PTPRD: variants seen among roughly 807,000 people sequenced by gnomAD.
PTPRD encodes the protein receptor-type tyrosine-protein phosphatase delta.
PTPRD carries 34 observed loss-of-function variants against 214.5 expected under a neutral mutation model. The observed-to-expected ratio is 0.16, with a 90% CI of 0.12 to 0.21. The LOEUF is 0.21. PTPRD is among the 10% of genes least tolerant of loss of function. The probability of loss-of-function intolerance (pLI) is 1.00; values close to 1 mark genes in which losing one functional copy is unlikely to be tolerated. For missense variants in PTPRD, 2,545 were observed against 2,398.7 expected, an observed-to-expected ratio of 1.06 and a Z score of -1.27; for synonymous variants, 1,128 against 845.7, an observed-to-expected ratio of 1.33 and a Z score of -5.79.
At chr9:10,611,915 CCT>C (rs1491383225) in intron 2 of PTPRD, among the ~76,000 whole-genome samples, 3 of 150,146 alleles carry the variant, frequency 2.0e-5, no homozygotes, top group Admixed American at 6.6e-5. Flanking sequence ...GCCCCCCCCC[CCT>C]TTTTTTTTCT....
At chr9:8,842,408 AAGTT>A (rs2097576331) in intron 11 of PTPRD, among the ~76,000 whole-genome samples, 1 of 152,198 alleles carries the variant, frequency 6.6e-6, no homozygotes, top group Non-Finnish European at 1.5e-5. Context: ...AGATGAATAA[AAGTT>A]AGGGTATACA....
In PTPRD at chr9:8,673,192, G is replaced by A. The variant is rs546695107; in HGVS notation, c.65-36348C>T. Among the ~76,000 whole-genome samples the A allele has an allele frequency of 1.0e-3, 152 of 151,562 alleles. 1 individual carries two copies. The highest frequency in any genetic ancestry group is 3.4e-3 in the African/African-American group (140 of 41,266). Reference sequence around the variant, plus strand: ...AGTATTTTTCTCTATGAAACACAGCGGCTGTCTCCATTTAAAGGAAAACAC... The same window carrying A: ...AGTATTTTTCTCTATGAAACACAGCAGCTGTCTCCATTTAAAGGAAAACAC... On this transcript the variant is annotated intron_variant, in intron 12 of 45. Coordinates refer to ENST00000381196, the MANE Select transcript of PTPRD (RefSeq NM_002839.4).
intron 2 of PTPRD, among the ~76,000 whole-genome samples, chr9:10,533,583 T>C (rs925018220): frequency 6.6e-6 from 1 of 151,904 alleles, no homozygotes; most frequent in Non-Finnish European, 1.5e-5. Flanking sequence ...AAACCTCATG[T>C]CACACACTTA....
At chr9:9,910,882 T>G (rs115223265) in intron 5 of PTPRD, among the ~76,000 whole-genome samples, 2,338 of 152,156 alleles carry the variant, frequency 0.015, 68 homozygotes, top group African/African-American at 0.054. Context: ...TTTCAATCTT[T>G]GTCAAAACCC....
At chr9:8,848,746 G>C (rs2097757523) in intron 11 of PTPRD, among the ~76,000 whole-genome samples, 1 of 152,008 alleles carries the variant, frequency 6.6e-6, no homozygotes, top group Non-Finnish European at 1.5e-5. Flanking sequence ...ACAGATAAAA[G>C]TTGGGATGCT....
intron 5 of PTPRD, among the ~76,000 whole-genome samples, chr9:9,826,779 T>A (rs2821504): frequency 6.6e-6 from 1 of 151,988 alleles, no homozygotes; most frequent in Middle Eastern, 3.4e-3. Context: ...GCCCAAAATC[T>A]CCTTAAGCTA....
chr9:9,891,301 TG>T (rs1171970571), intron 5 of PTPRD, among the ~76,000 whole-genome samples: 1 of 152,122 alleles, frequency 6.6e-6, no homozygotes, highest in Non-Finnish European at 1.5e-5. Flanking sequence ...TTAGACTTTT[TG>T]TTCCAAATAA....
At position 8,331,706 on chromosome 9, in the gene PTPRD, G is replaced by C. The variant is rs2131649368; in HGVS notation, c.5410C>G (p.Gln1804Glu). The change falls in exon 44 of 46, where the codon CAG (glutamine) becomes GAG (glutamate). Residue 1804 changes from glutamine (Q) to glutamate (E), a missense_variant. By Grantham distance (29) the Gln-to-Glu change is conservative. Coordinates refer to ENST00000381196, the MANE Select transcript of PTPRD (RefSeq NM_002839.4). ...DGQSRTVRQF[Q>E]FTDWPEQGVP... ...CCTTGCTCTGGCCAGTCAGTGAACT[G>C]GAACTGCCTTACTGTTCGGGACTGG... 1.9e-6 allele frequency: 3 copies of C among 1,613,100 alleles called. No homozygotes were observed. Among genetic ancestry groups the C allele is most frequent in the Non-Finnish European group, 2.5e-6 (3 of 1,179,576 alleles).
At chr9:10,410,585 T>C (rs2098424027) in intron 2 of PTPRD, among the ~76,000 whole-genome samples, 1 of 151,666 alleles carries the variant, frequency 6.6e-6, no homozygotes, top group Admixed American at 6.6e-5. Context: ...TTCTTATGTA[T>C]TCATAGCTTC....
intron 10 of PTPRD, among the ~76,000 whole-genome samples, chr9:9,061,353 C>T (rs2099707005): frequency 6.6e-6 from 1 of 152,202 alleles, no homozygotes; most frequent in Admixed American, 6.6e-5. Context: ...GTTTCAATGA[C>T]TAACCTTTCA....
chr9:9,183,081 T>G (rs1443562337), intron 10 of PTPRD, among the ~76,000 whole-genome samples: 1 of 152,060 alleles, frequency 6.6e-6, no homozygotes, highest in Non-Finnish European at 1.5e-5. Flanking sequence ...AATAAATCTC[T>G]CATTGACAGA....
intron 11 of PTPRD, among the ~76,000 whole-genome samples, chr9:9,002,273 T>C (rs1306689114): frequency 6.6e-6 from 1 of 151,946 alleles, no homozygotes; most frequent in African/African-American, 2.4e-5. Flanking sequence ...CACTTGTAGA[T>C]CTTAATATTA....
chr9:8,942,010 T>C (rs540354142), intron 11 of PTPRD, among the ~76,000 whole-genome samples: 130 of 152,282 alleles, frequency 8.5e-4, no homozygotes, highest in Middle Eastern at 3.4e-3. Context: ...TTCACCATGT[T>C]GGCTAGGCTG....
intron 11 of PTPRD, among the ~76,000 whole-genome samples, chr9:8,922,372 T>C (rs2098833661): frequency 2.6e-5 from 4 of 152,204 alleles, no homozygotes; most frequent in Admixed American, 2.6e-4. Context: ...GCCAAATATC[T>C]ACACATGCAC....
At chr9:9,817,093 A>G (rs2049017908) in intron 5 of PTPRD, among the ~76,000 whole-genome samples, 1 of 152,152 alleles carries the variant, frequency 6.6e-6, no homozygotes, top group Non-Finnish European at 1.5e-5. Context: ...TCCCCTAGGC[A>G]AGCTAAGATT....
intron 9 of PTPRD, among the ~76,000 whole-genome samples, chr9:9,330,997 T>C (rs1467136801): frequency 1.3e-5 from 2 of 151,270 alleles, no homozygotes; most frequent in Non-Finnish European, 2.9e-5. Flanking sequence ...ACAGAGTAAA[T>C]CTGGTCATTT....
intron 11 of PTPRD, chr9:8,958,646 G>C (rs1266897241): frequency 3.3e-5 from 5 of 151,932 alleles, no homozygotes; most frequent in African/African-American, 9.7e-5. Context: ...TTGGATTTGA[G>C]CCAATAAGGT....
chr9:10,120,868 C>T (rs1591668510), intron 3 of PTPRD, among the ~76,000 whole-genome samples: 2 of 151,828 alleles, frequency 1.3e-5, no homozygotes, highest in South Asian at 2.1e-4. Context: ...CCTTGATGCC[C>T]CCTTCCATAG....
intron 5 of PTPRD, among the ~76,000 whole-genome samples, chr9:9,931,826 T>C (rs2086730735): frequency 6.6e-6 from 1 of 151,270 alleles, no homozygotes; most frequent in East Asian, 2.0e-4. Flanking sequence ...TAAATGTCCC[T>C]GTCTGACAGC....
Sources: gnomAD v4.1 joint callset for allele counts (sites outside exome capture counted in the v4.1 genomes callset) on GRCh38, gnomAD v4.1.1 for gene constraint, MANE v1.5 for transcripts, NCBI Gene and HGNC (gene_info 2026-07-23, HGNC 2026-07-21) for gene names.